RNF175: variants seen among roughly 807,000 people sequenced by gnomAD.
The protein encoded by RNF175 is ring finger protein 175.
A neutral mutation model predicts 50.0 loss-of-function variants in RNF175; 38 were observed. The ratio of observed to expected loss-of-function variants is 0.76; its 90% CI spans 0.59 to 1.00. The LOEUF is 1.00. Ranked by LOEUF, RNF175 falls within the 50% of genes least tolerant of loss-of-function variation. The pLI is 0.00. For synonymous variants in RNF175, 155 were observed against 146.1 expected, an observed-to-expected ratio of 1.06 and a Z score of -0.44; for missense variants, 388 against 409.6, an observed-to-expected ratio of 0.95 and a Z score of 0.46.
chr4:153,720,621 T>G (rs1264716886), intron 5 of RNF175: 5 of 238,688 alleles, frequency 2.1e-5, no homozygotes, highest in Admixed American at 4.8e-5. Context: ...CAGCAGCTTG[T>G]AACAGTTTCC....
At chr4:153,731,470 A>C (rs1739028702) in intron 3 of RNF175, among the ~76,000 whole-genome samples, 1 of 152,192 alleles carries the variant, frequency 6.6e-6, no homozygotes, top group Non-Finnish European at 1.5e-5. Context: ...CCCCAACCAC[A>C]TATCATAGCA....
intron 5 of RNF175, among the ~76,000 whole-genome samples, chr4:153,722,752 G>A (rs1264944180): frequency 7.5e-6 from 1 of 134,070 alleles, no homozygotes; most frequent in African/African-American, 2.8e-5. Flanking sequence ...TTTCTGGTAG[G>A]TGCATTTAAT....
At chr4:153,722,662 G>A (rs2127108389) in intron 5 of RNF175, among the ~76,000 whole-genome samples, 1 of 151,848 alleles carries the variant, frequency 6.6e-6, no homozygotes, top group Non-Finnish European at 1.5e-5. Flanking sequence ...CCAACACAAG[G>A]CATTTCATGA....
At chr4:153,734,734 G>A (rs1376690771) in intron 3 of RNF175, among the ~76,000 whole-genome samples, 1 of 139,244 alleles carries the variant, frequency 7.2e-6, no homozygotes, top group Non-Finnish European at 1.5e-5. Context: ...GGAGCGCAGT[G>A]GCGTGATCTC....
At chr4:153,739,255 T>A (rs1739517069) in intron 3 of RNF175, among the ~76,000 whole-genome samples, 2 of 152,118 alleles carry the variant, frequency 1.3e-5, no homozygotes, top group South Asian at 2.1e-4. Flanking sequence ...ACCTCGTCTC[T>A]ACTAAAAATA....
chr4:153,710,228 C>T lies in RNF175; in HGVS notation c.*141G>A, dbSNP rs1344036129. 1.8e-5 allele frequency: 11 copies of T among 603,146 alleles called. No homozygotes were observed. The East Asian group carries it at 2.9e-4, about 16-fold the overall frequency. The allele number at this position is 603,146 out of a possible 1,614,324, so 37.4% of individuals were successfully genotyped here. ...TGTTCAGCTTCTCTTTAAATTCTTTCCACATGGACAAATTGCTTGACAACA... is the reference window on the plus strand; with the variant it reads ...TGTTCAGCTTCTCTTTAAATTCTTTTCACATGGACAAATTGCTTGACAACA... On this transcript the variant is annotated 3_prime_UTR_variant, in exon 9 of 9. Coordinates refer to ENST00000347063, the MANE Select transcript of RNF175 (RefSeq NM_173662.4).
intron 1 of RNF175, among the ~76,000 whole-genome samples, chr4:153,757,565 T>C (rs1446895078): frequency 2.0e-5 from 3 of 152,190 alleles, no homozygotes; most frequent in South Asian, 2.1e-4. Flanking sequence ...GCTGTATTCA[T>C]TGGTAAGGAA....
Position 153,720,310 on chromosome 4 carries a change from G to A in RNF175, c.510-6C>T, listed in dbSNP as rs1273057547. Reference sequence around the variant, plus strand: ...TGGAATCTCTAGCTTTGATTCTATTGAAAACAACAGTATAAGGAAATAAGA... The same window carrying A: ...TGGAATCTCTAGCTTTGATTCTATTAAAAACAACAGTATAAGGAAATAAGA... On this transcript the variant is annotated splice_region_variant and splice_polypyrimidine_tract_variant and intron_variant, in intron 5 of 8. Coordinates refer to ENST00000347063, the MANE Select transcript of RNF175 (RefSeq NM_173662.4). 1 of 1,611,768 alleles carries A rather than the reference G, an allele frequency of 6.2e-7. No individual in the cohort carries two copies. The highest frequency in any genetic ancestry group is 8.5e-7 in the Non-Finnish European group (1 of 1,178,012).
At chr4:153,759,750 G>A (rs576991572) in intron 1 of RNF175, 47 bp downstream of exon 1, 5 of 1,317,190 alleles carry the variant, frequency 3.8e-6, no homozygotes, top group African/African-American at 3.1e-5. Flanking sequence ...CGTGAGCCCC[G>A]GGACCCCGGC....
In RNF175 at chr4:153,729,350, G is replaced by C. The variant is rs538442131; in HGVS notation, c.247-989C>G. ...GAGCCTGGATCCTGGTTCAGTGGTA[G>C]AGTCTTATAATCAGTTAATGAAGTC... On this transcript the variant is annotated intron_variant, in intron 3 of 8. Transcript: ENST00000347063. 8.5e-5 allele frequency among the ~76,000 whole-genome samples: 13 copies of C among 152,344 alleles called. No individual in the cohort carries two copies. In the East Asian group the frequency reaches 2.5e-3, roughly 29 times the overall value.
intron 3 of RNF175, among the ~76,000 whole-genome samples, chr4:153,736,524 A>T (rs886445353): frequency 4.6e-5 from 7 of 152,204 alleles, no homozygotes; most frequent in African/African-American, 1.7e-4. Context: ...GCTGGCCTCA[A>T]TGAATGAATT....
At chr4:153,752,079 C>T (rs904626693) in intron 1 of RNF175, among the ~76,000 whole-genome samples, 2 of 152,220 alleles carry the variant, frequency 1.3e-5, no homozygotes, top group African/African-American at 2.4e-5. Context: ...GTCTCCAGAA[C>T]CATGCTTTTT....
intron 5 of RNF175, among the ~76,000 whole-genome samples, chr4:153,722,785 CA>C (rs1385324317): frequency 1.3e-5 from 2 of 150,286 alleles, no homozygotes; most frequent in East Asian, 3.9e-4. Context: ...AAAAACACAA[CA>C]AAAAACAGGT....
chr4:153,718,007 A>G (rs1381449985), intron 6 of RNF175, among the ~76,000 whole-genome samples: 1 of 152,102 alleles, frequency 6.6e-6, no homozygotes, highest in Non-Finnish European at 1.5e-5. Flanking sequence ...TGCTTCACCT[A>G]TTCAACCACG....
chr4:153,753,165 A>G (rs917776877), intron 1 of RNF175, among the ~76,000 whole-genome samples: 2 of 152,244 alleles, frequency 1.3e-5, no homozygotes, highest in African/African-American at 4.8e-5. Flanking sequence ...GAAGCCCACC[A>G]GCATGCGGGC....
intron 8 of RNF175, among the ~76,000 whole-genome samples, 184 bp downstream of exon 8, chr4:153,712,291 A>G (rs1385119026): frequency 6.6e-6 from 1 of 152,188 alleles, no homozygotes; most frequent in Non-Finnish European, 1.5e-5. Context: ...TTAACTTTCT[A>G]ACCAGAATAG....
intron 7 of RNF175, 141 bp downstream of exon 7, chr4:153,715,388 G>A (rs1390246663): frequency 2.0e-5 from 16 of 782,392 alleles, no homozygotes; most frequent in East Asian, 8.0e-5. Flanking sequence ...AGGAAGACTC[G>A]ACTGGGCTGG....
intron 1 of RNF175, among the ~76,000 whole-genome samples, chr4:153,754,044 C>T (rs1281251353): frequency 2.6e-5 from 4 of 151,606 alleles, no homozygotes; most frequent in African/African-American, 9.7e-5. Flanking sequence ...GTTGTAGGCG[C>T]CTGTAGTCCC....
chr4:153,748,327 A>G (rs982299744), intron 3 of RNF175: 1 of 225,978 alleles, frequency 4.4e-6, no homozygotes, highest in African/African-American at 2.3e-5. Context: ...CACCATTGAC[A>G]TTTTAGGCCA....
Sources: allele counts gnomAD v4.1 joint callset (sites outside exome capture counted in the v4.1 genomes callset), GRCh38; gene constraint gnomAD v4.1.1; transcripts MANE v1.5; gene names NCBI Gene and HGNC (gene_info 2026-07-23, HGNC 2026-07-21).